DLG2: variants seen among roughly 807,000 people sequenced by gnomAD.
The protein encoded by DLG2 is discs large MAGUK scaffold protein 2, also known as disks large homolog 2.
In DLG2, 45 loss-of-function variants were observed where a neutral mutation model predicts 132.5. The observed-to-expected ratio is 0.34, with a 90% CI of 0.27 to 0.44. The LOEUF is 0.44. Ranked by LOEUF, DLG2 falls within the 20% of genes least tolerant of loss-of-function variation. The pLI is 1.00. For missense variants in DLG2, 1,045 were observed against 1,196.9 expected, an observed-to-expected ratio of 0.87 and a Z score of 1.87; for synonymous variants, 424 against 419.6, an observed-to-expected ratio of 1.01 and a Z score of -0.13.
intron 7 of DLG2, among the ~76,000 whole-genome samples, chr11:84,501,940 C>T (rs1188274236): frequency 6.6e-6 from 1 of 151,996 alleles, no homozygotes; most frequent in Non-Finnish European, 1.5e-5. Flanking sequence ...CTGCTTTTTC[C>T]CCCAAGCAAT....
chr11:85,245,320 G>A (rs2076079780), intron 4 of DLG2, among the ~76,000 whole-genome samples: 1 of 151,850 alleles, frequency 6.6e-6, no homozygotes, highest in Admixed American at 6.6e-5. Flanking sequence ...AACTTGCTCT[G>A]CTTACAGCCT....
At chr11:84,191,046 C>CT (rs1400365419) in intron 8 of DLG2, among the ~76,000 whole-genome samples, 6 of 152,116 alleles carry the variant, frequency 3.9e-5, no homozygotes, top group African/African-American at 1.4e-4. Context: ...GAAGTTAAAA[C>CT]TTTGTTCATT....
chr11:83,934,817 A>G (rs1392445247), intron 14 of DLG2, among the ~76,000 whole-genome samples: 3 of 152,148 alleles, frequency 2.0e-5, no homozygotes, highest in Non-Finnish European at 4.4e-5. Flanking sequence ...TTGTTTCCCC[A>G]TTACTTTCCT....
chr11:83,702,079 G>C (rs1456117293), intron 18 of DLG2, among the ~76,000 whole-genome samples: 1 of 152,152 alleles, frequency 6.6e-6, no homozygotes, highest in African/African-American at 2.4e-5. Flanking sequence ...GCCTGATCTT[G>C]CCAGGGACTT....
In DLG2 at chr11:83,750,975, A is replaced by T. The variant is rs192766876; in HGVS notation, c.1825+35715T>A. On this transcript the variant is annotated intron_variant, in intron 18 of 27. Coordinates refer to ENST00000376104, the MANE Select transcript of DLG2 (RefSeq NM_001142699.3). ...TTCAACAGTGAGCAAAACAAGATAA[A>T]CTCTCTGTCCTCACTGAACTTCTCT... 2.7e-3 allele frequency among the ~76,000 whole-genome samples: 407 copies of T among 152,222 alleles called. 2 individuals carry two copies. Among genetic ancestry groups the T allele is most frequent in the South Asian group, 9.1e-3 (44 of 4,814 alleles).
At chr11:84,508,307 T>G (rs191447863) in intron 7 of DLG2, among the ~76,000 whole-genome samples, 3 of 152,318 alleles carry the variant, frequency 2.0e-5, no homozygotes, top group Non-Finnish European at 4.4e-5. Context: ...TTATTACCTG[T>G]TGTCTTTCAT....
chr11:85,484,184 G>A (rs939100790), intron 3 of DLG2, among the ~76,000 whole-genome samples: 2 of 151,728 alleles, frequency 1.3e-5, no homozygotes, highest in African/African-American at 4.8e-5. Context: ...CAACCCGGTG[G>A]CGGATCTTTC....
At chr11:83,583,802 A>G (rs1369053423) in intron 19 of DLG2, among the ~76,000 whole-genome samples, 2 of 152,308 alleles carry the variant, frequency 1.3e-5, no homozygotes, top group East Asian at 3.9e-4. Context: ...GTAATGAATG[A>G]ACACTTTATA....
At chr11:83,938,422 G>A (rs2081970122) in intron 14 of DLG2, among the ~76,000 whole-genome samples, 4 of 152,196 alleles carry the variant, frequency 2.6e-5, no homozygotes, top group African/African-American at 9.7e-5. Context: ...TTTCTAGAAA[G>A]TGGTAACAGC....
At chr11:85,515,992 A>C (rs1416413962) in intron 3 of DLG2, among the ~76,000 whole-genome samples, 1 of 152,034 alleles carries the variant, frequency 6.6e-6, no homozygotes, top group Non-Finnish European at 1.5e-5. Context: ...TCTGTAATTC[A>C]CAGAGTGAAA....
intron 6 of DLG2, among the ~76,000 whole-genome samples, chr11:84,938,268 CA>C (rs1227736290): frequency 6.6e-6 from 1 of 151,836 alleles, no homozygotes; most frequent in Non-Finnish European, 1.5e-5. Flanking sequence ...CTTAGATACC[CA>C]ACAAAAATCA....
intron 6 of DLG2, among the ~76,000 whole-genome samples, chr11:84,901,756 T>C (rs1347830994): frequency 6.6e-6 from 1 of 152,054 alleles, no homozygotes; most frequent in African/African-American, 2.4e-5. Flanking sequence ...ATGAAGTAAC[T>C]GACATTCATG....
chr11:84,518,698 C>T (rs1250283059), intron 7 of DLG2, among the ~76,000 whole-genome samples: 2 of 152,030 alleles, frequency 1.3e-5, no homozygotes, highest in East Asian at 3.9e-4. Context: ...GATTTTTCCC[C>T]CCAATTAAAT....
chr11:83,953,440 G>C (rs192515830), intron 14 of DLG2, among the ~76,000 whole-genome samples: 17 of 152,280 alleles, frequency 1.1e-4, no homozygotes, highest in African/African-American at 3.6e-4. Flanking sequence ...CTCTTTATGA[G>C]AATTGAATGA....
At chr11:85,179,010 C>A (rs2152508125) in intron 4 of DLG2, among the ~76,000 whole-genome samples, 1 of 151,864 alleles carries the variant, frequency 6.6e-6, no homozygotes, top group South Asian at 2.1e-4. Context: ...ATAGAAAAAG[C>A]TTTCTAAGAG....
At chr11:84,354,197 A>T (rs940399595) in intron 7 of DLG2, among the ~76,000 whole-genome samples, 1 of 152,182 alleles carries the variant, frequency 6.6e-6, no homozygotes, top group Non-Finnish European at 1.5e-5. Flanking sequence ...TAACATCAAA[A>T]ATAATCCAAT....
At chr11:83,848,932 G>C (rs949336539) in intron 16 of DLG2, among the ~76,000 whole-genome samples, 3 of 152,164 alleles carry the variant, frequency 2.0e-5, no homozygotes, top group African/African-American at 7.2e-5. Context: ...TGTTCCCAGA[G>C]CATTTTATTT....
chr11:83,469,352 T>A lies in DLG2; in HGVS notation c.2468A>T (p.Asp823Val). Reference sequence around the variant, plus strand: ...ATAGTCTCTGCCATCCACCTCGTAGTCTCGCTTTGGCCTCGTAGTATCTTT... The same window carrying A: ...ATAGTCTCTGCCATCCACCTCGTAGACTCGCTTTGGCCTCGTAGTATCTTT... Reference protein sequence around the residue: ...CVPHTTRPKRDYEVDGRDYHF... With the variant: ...CVPHTTRPKRVYEVDGRDYHF... Residue 823 changes from aspartate (D) to valine (V), a missense_variant, in exon 25 of 28, where the codon GAC becomes GTC. By Grantham distance (152) the Asp-to-Val change is radical (BLOSUM62 -3). Coordinates refer to ENST00000376104, the MANE Select transcript of DLG2 (RefSeq NM_001142699.3). 6.2e-7 allele frequency: 1 copy of A among 1,612,176 alleles called. No homozygotes were observed. Among genetic ancestry groups the A allele is most frequent in the Non-Finnish European group, 8.5e-7 (1 of 1,179,320 alleles).
intron 3 of DLG2, among the ~76,000 whole-genome samples, chr11:85,424,425 A>G (rs2090557966): frequency 6.6e-6 from 1 of 151,850 alleles, no homozygotes. Flanking sequence ...ATCTAGTCCT[A>G]CCTCCCATCC....
Sources: gnomAD v4.1 joint callset for allele counts (sites outside exome capture counted in the v4.1 genomes callset) on GRCh38, gnomAD v4.1.1 for gene constraint, MANE v1.5 for transcripts, NCBI Gene and HGNC (gene_info 2026-07-23, HGNC 2026-07-21) for gene names.